The following TENM2 variants were observed in gnomAD, a reference collection of about 807,000 sequenced individuals.
TENM2 encodes the protein teneurin transmembrane protein 2, also known as teneurin-2.
Under a neutral mutation model 245.2 loss-of-function variants are expected in TENM2, and 52 were observed. The observed-to-expected ratio is 0.21, with a 90% CI of 0.17 to 0.27. The LOEUF is 0.27. Among genes scored for constraint, TENM2 ranks in the 10% least tolerant of loss-of-function variants. The pLI is 1.00. For missense variants in TENM2, 3,046 were observed against 3,666.8 expected (o/e 0.83, Z 4.37); for synonymous variants, 1,363 against 1,438.9 (o/e 0.95, Z 1.19).
At chr5:167,685,049 C>G (rs1561670663) in intron 2 of TENM2, among the ~76,000 whole-genome samples, 1 of 152,296 alleles carries the variant, frequency 6.6e-6, no homozygotes, top group East Asian at 1.9e-4. Context: ...GAAACAGACT[C>G]TGAGGACCTC....
chr5:167,401,923 T>C (rs1762388175), intron 2 of TENM2, among the ~76,000 whole-genome samples: 1 of 152,142 alleles, frequency 6.6e-6, no homozygotes, highest in Non-Finnish European at 1.5e-5. Flanking sequence ...GAGGATATAT[T>C]CTCCTTCCCA....
At chr5:167,062,207 A>G in the TENM2 span, among the ~76,000 whole-genome samples, 1 of 152,100 alleles carries the variant, frequency 6.6e-6, no homozygotes, top group Non-Finnish European at 1.5e-5. Flanking sequence ...TCTCTTTGAG[A>G]GCATTTTTTG....
chr5:168,186,347 G>A (rs1412938629), intron 13 of TENM2: 3 of 152,038 alleles, frequency 2.0e-5, no homozygotes, highest in Non-Finnish European at 4.4e-5. Flanking sequence ...AGAATGCCTT[G>A]GTATCATTCC....
Position 168,218,474 on chromosome 5 carries a change from G to A in TENM2, c.4583G>A (p.Cys1528Tyr). Residue 1528 changes from cysteine to tyrosine, a missense_variant, in exon 23 of 29, where the codon TGC (cysteine) becomes TAC (tyrosine). Cys to Tyr is a radical substitution (Grantham distance 194, BLOSUM62 -2). Transcript: ENST00000518659. This position sits in a 1 kb window ranked among gnomAD's most constrained non-coding sequence, Gnocchi z 5.2. ...TGCGACTGCAAAAACGATGTCAATT[G>A]CAACTGCTATTCAGGAGATGATGCC... is the stretch of plus-strand genomic sequence containing the variant. The A allele has an allele frequency of 6.2e-7, 1 of 1,614,064 alleles. No individual in the cohort carries two copies. The highest frequency in any genetic ancestry group is 8.5e-7 in the Non-Finnish European group (1 of 1,179,898).
At chr5:167,862,241 ATG>A (rs138403142) in intron 2 of TENM2, among the ~76,000 whole-genome samples, 13,277 of 148,034 alleles carry the variant, frequency 0.09, 1,349 homozygotes, top group African/African-American at 0.26. Context: ...AATTTAGAGT[ATG>A]TGTGTGTGTG....
chr5:167,255,068 CTTTTCTTTTT>C, the TENM2 span, among the ~76,000 whole-genome samples: 6 of 140,316 alleles, frequency 4.3e-5, no homozygotes, highest in South Asian at 9.0e-4. Context: ...TATTTCTTTT[CTTTTCTTTTT>C]TTTTTTTTTT....
intron 2 of TENM2, among the ~76,000 whole-genome samples, chr5:167,521,234 T>C (rs1490481628): frequency 6.6e-6 from 1 of 152,114 alleles, no homozygotes; most frequent in Non-Finnish European, 1.5e-5. Flanking sequence ...GTGTCTTAGA[T>C]TAAGTGGATT....
chr5:167,521,925 A>C (rs114958135), intron 2 of TENM2, among the ~76,000 whole-genome samples: 129 of 152,270 alleles, frequency 8.5e-4, no homozygotes, highest in African/African-American at 2.9e-3. Flanking sequence ...ACTGGTGCAC[A>C]ATATTAATTT....
the TENM2 span, among the ~76,000 whole-genome samples, chr5:167,144,165 A>G: frequency 9.2e-5 from 14 of 152,206 alleles, no homozygotes; most frequent in African/African-American, 3.4e-4. Context: ...TTGAAAAAAA[A>G]AAATTGTTAA....
chr5:168,219,806 T>C (rs745443060), intron 23 of TENM2, among the ~76,000 whole-genome samples: 7 of 113,550 alleles, frequency 6.2e-5, no homozygotes, highest in Non-Finnish European at 8.1e-5. Flanking sequence ...GTAGTTAAGT[T>C]AGGGAGAGTT....
chr5:167,458,494 C>CAA lies in TENM2; in HGVS notation c.502+83042_502+83043dup, dbSNP rs70976430. 3.8e-3 allele frequency among the ~76,000 whole-genome samples: 314 copies of CAA among 82,006 alleles called. 4 individuals are homozygous for CAA. Among genetic ancestry groups the CAA allele is most frequent in the Non-Finnish European group, 5.5e-3 (237 of 42,940 alleles). The allele number at this position is 82,006 out of a possible 152,430, so 53.8% of individuals were successfully genotyped here. A position where few individuals can be genotyped will look rare whatever the true frequency, so the allele number is the denominator to read the frequency against. ...AAAGCAAGACTCCGTCTCAAAAAAA[C>CAA]AAAAAAAAAAAAAAAAAAAAAAGAC... On this transcript the variant is annotated intron_variant, in intron 2 of 28. Transcript: ENST00000518659.
At chr5:168,165,564 C>CTGAAGTGA (rs1268883761) in intron 13 of TENM2, among the ~76,000 whole-genome samples, 1 of 146,300 alleles carries the variant, frequency 6.8e-6, no homozygotes, top group Non-Finnish European at 1.5e-5. Flanking sequence ...AACCAAAATC[C>CTGAAGTGA]TGAAGTGATG....
At chr5:167,730,659 G>A (rs1166488890) in intron 2 of TENM2, among the ~76,000 whole-genome samples, 1 of 152,146 alleles carries the variant, frequency 6.6e-6, no homozygotes, top group Non-Finnish European at 1.5e-5. Flanking sequence ...GATGTTTTGG[G>A]TTTGTTCTGT....
chr5:167,291,590 CA>C lies in TENM2; in HGVS notation c.226+6528del, dbSNP rs575151296. ...GCAGAATATTCTCCAGGTAGATATT[CA>C]GGCTGGCCTGGCATGGGACACATGC... On this transcript the variant is annotated intron_variant, in intron 1 of 28. Transcript: ENST00000518659. Among the ~76,000 whole-genome samples the C allele has an allele frequency of 1.1e-3, 169 of 152,324 alleles. 1 individual carries two copies. Among genetic ancestry groups the C allele is most frequent in the Non-Finnish European group, 2.2e-3 (152 of 68,030 alleles).
Position 168,247,521 on chromosome 5 carries a change from C to T in TENM2, c.6582C>T (p.Pro2194=). The T allele has an allele frequency of 4.3e-6, 7 of 1,612,912 alleles. No homozygotes were observed. Among genetic ancestry groups the T allele is most frequent in the Non-Finnish European group, 5.1e-6 (6 of 1,179,094 alleles). The stretch of plus-strand genomic sequence containing the variant: ...TCAAGAGGGAGCTAAAACTGGGGCC[C>T]TATGCCAATACCACGAAGTACACCT... Residue 2194 remains proline (P), a synonymous_variant, in exon 27 of 29, where the codon CCC becomes CCT. Transcript: ENST00000518659. The surrounding 1 kb of genome is among the most constrained non-coding windows in gnomAD (Gnocchi z 7.8).
chr5:167,736,871 C>A (rs1014310776), intron 2 of TENM2, among the ~76,000 whole-genome samples: 12 of 152,080 alleles, frequency 7.9e-5, no homozygotes, highest in Non-Finnish European at 1.0e-4. Context: ...GCTGAAGCAG[C>A]CACACCAGAC....
chr5:168,107,035 G>A (rs1045199538), intron 9 of TENM2, among the ~76,000 whole-genome samples: 3 of 152,130 alleles, frequency 2.0e-5, no homozygotes, highest in African/African-American at 7.2e-5. Flanking sequence ...ACTCCAGCCT[G>A]TGCAGTGGTG....
rs150955866 is a variant in TENM2 at position 167,924,176 on chromosome 5, A to G, written c.713-28412A>G. 2.8e-3 allele frequency among the ~76,000 whole-genome samples: 431 copies of G among 152,256 alleles called. 1 individual carries two copies. The highest frequency in any genetic ancestry group is 9.9e-3 in the African/African-American group (411 of 41,554). ...CCCCACATCCAAACATCAGTCCCAT[A>G]TTTGTCTTCATGCATATTCCTTACA... is the stretch of plus-strand genomic sequence containing the variant. On this transcript the variant is annotated intron_variant, in intron 3 of 28. Coordinates refer to ENST00000518659, the Ensembl canonical transcript of TENM2.
At chr5:167,969,074 G>A (rs149529613) in intron 4 of TENM2, among the ~76,000 whole-genome samples, 4 of 152,204 alleles carry the variant, frequency 2.6e-5, no homozygotes, top group Non-Finnish European at 4.4e-5. Context: ...CTGAAATGCC[G>A]ACTTTGTGCC....
Sources: gnomAD v4.1 joint callset for allele counts (sites outside exome capture counted in the v4.1 genomes callset) on GRCh38, gnomAD v4.1.1 for gene constraint, Gnocchi (gnomAD v3.1) non-coding constraint, MANE v1.5 for transcripts, NCBI Gene and HGNC (gene_info 2026-07-23, HGNC 2026-07-21) for gene names.